CNTNAP2: variants seen among roughly 807,000 people sequenced by gnomAD.
CNTNAP2 encodes contactin-associated protein-like 2.
Under a neutral mutation model 155.2 loss-of-function variants are expected in CNTNAP2, and 98 were observed. That is an observed-to-expected ratio of 0.63 (90% CI 0.54 to 0.75). The LOEUF is 0.75. CNTNAP2 is among the 30% of genes least tolerant of loss of function. The probability of loss-of-function intolerance (pLI) is 0.00; values close to 1 mark genes in which losing one functional copy is unlikely to be tolerated. For missense variants in CNTNAP2, 1,727 were observed against 1,688.1 expected, an observed-to-expected ratio of 1.02 and a Z score of -0.40; for synonymous variants, 651 against 631.2, an observed-to-expected ratio of 1.03 and a Z score of -0.47.
chr7:148,348,103 T>C (rs1007763684), intron 21 of CNTNAP2, among the ~76,000 whole-genome samples: 6 of 152,198 alleles, frequency 3.9e-5, no homozygotes, highest in Admixed American at 3.9e-4. Flanking sequence ...CCCTAAGCTC[T>C]TGAAGTCTAA....
At chr7:148,053,190 T>C (rs1264951149) in intron 15 of CNTNAP2, among the ~76,000 whole-genome samples, 1 of 152,226 alleles carries the variant, frequency 6.6e-6, no homozygotes, top group Non-Finnish European at 1.5e-5. Flanking sequence ...TGTATTTACA[T>C]GTACCTGGGA....
intron 15 of CNTNAP2, among the ~76,000 whole-genome samples, chr7:148,043,105 C>A (rs945226516): frequency 2.6e-5 from 4 of 152,318 alleles, no homozygotes; most frequent in Non-Finnish European, 4.4e-5. Flanking sequence ...GACATTTTGA[C>A]GTGATACATA....
At chr7:148,217,105 A>C (rs1162170901) in intron 18 of CNTNAP2, among the ~76,000 whole-genome samples, 183 bp from the exon 19 acceptor site, 1 of 141,908 alleles carries the variant, frequency 7.0e-6, no homozygotes, top group Admixed American at 7.2e-5. Flanking sequence ...ACCCTGTTAC[A>C]TGCTTTTTTT....
chr7:146,160,269 C>G (rs1397392409), intron 1 of CNTNAP2, among the ~76,000 whole-genome samples: 2 of 152,062 alleles, frequency 1.3e-5, no homozygotes, highest in Non-Finnish European at 2.9e-5. Flanking sequence ...ACCCTAACAT[C>G]ACAATTAAAA....
chr7:146,786,427 T>G (rs1217088729), intron 2 of CNTNAP2, among the ~76,000 whole-genome samples: 1 of 152,178 alleles, frequency 6.6e-6, no homozygotes, highest in African/African-American at 2.4e-5. Flanking sequence ...AATTAAGAAA[T>G]ATAGAATTGT....
chr7:147,902,033 G>A (rs1346455513), intron 13 of CNTNAP2, among the ~76,000 whole-genome samples: 2 of 152,194 alleles, frequency 1.3e-5, no homozygotes, highest in Non-Finnish European at 2.9e-5. Context: ...AATATTCTAT[G>A]ATCTCCATGA....
intron 4 of CNTNAP2, among the ~76,000 whole-genome samples, chr7:147,045,659 T>A (rs1799342814): frequency 6.6e-6 from 1 of 152,146 alleles, no homozygotes; most frequent in Non-Finnish European, 1.5e-5. Context: ...TCCTATGTGG[T>A]CTAGACATTC....
At chr7:148,227,086 T>C (rs1206852267) in intron 19 of CNTNAP2, among the ~76,000 whole-genome samples, 6 of 152,274 alleles carry the variant, frequency 3.9e-5, no homozygotes, top group Non-Finnish European at 2.9e-5. Flanking sequence ...GCTTCAGGGC[T>C]GGTCTTTGGG....
intron 1 of CNTNAP2, among the ~76,000 whole-genome samples, chr7:146,408,036 G>A (rs1438267709): frequency 1.3e-5 from 2 of 152,088 alleles, no homozygotes; most frequent in Non-Finnish European, 2.9e-5. Flanking sequence ...ACCAACAGTA[G>A]GCTATTAGTA....
intron 12 of CNTNAP2, among the ~76,000 whole-genome samples, chr7:147,630,725 A>G (rs889105877): frequency 2.0e-5 from 3 of 152,204 alleles, no homozygotes; most frequent in African/African-American, 4.8e-5. Flanking sequence ...CAGAAGTCAT[A>G]TGAGCATCCC....
chr7:147,149,393 T>G (rs1330539466), intron 8 of CNTNAP2, among the ~76,000 whole-genome samples: 1 of 152,272 alleles, frequency 6.6e-6, no homozygotes, highest in Middle Eastern at 3.4e-3. Flanking sequence ...GACAGAAAAG[T>G]TCCCCAAGTC....
intron 21 of CNTNAP2, among the ~76,000 whole-genome samples, chr7:148,268,499 A>T (rs558748302): frequency 1.1e-4 from 16 of 152,150 alleles, no homozygotes; most frequent in Middle Eastern, 3.4e-3. Flanking sequence ...AAAAAAATTT[A>T]AAAAAATTAG....
At chr7:146,599,392 T>C (rs1798911831) in intron 1 of CNTNAP2, among the ~76,000 whole-genome samples, 1 of 152,004 alleles carries the variant, frequency 6.6e-6, no homozygotes, top group South Asian at 2.1e-4. Flanking sequence ...CTCCTATAAG[T>C]CTAACATGGT....
intron 1 of CNTNAP2, among the ~76,000 whole-genome samples, chr7:146,766,594 C>T (rs1386822053): frequency 6.6e-6 from 1 of 152,130 alleles, no homozygotes; most frequent in South Asian, 2.1e-4. Context: ...CTTTAATATC[C>T]TTTAGCTGTG....
At chr7:146,867,090 T>G (rs1795218979) in intron 3 of CNTNAP2, among the ~76,000 whole-genome samples, 1 of 152,108 alleles carries the variant, frequency 6.6e-6, no homozygotes, top group Non-Finnish European at 1.5e-5. Flanking sequence ...TCACAGGGGT[T>G]TGCTGTAAAT....
intron 1 of CNTNAP2, among the ~76,000 whole-genome samples, chr7:146,688,067 G>T (rs1217384976): frequency 1.3e-5 from 2 of 152,134 alleles, no homozygotes; most frequent in Admixed American, 6.5e-5. Flanking sequence ...AAAAGACATT[G>T]TTGGTCCCTA....
intron 1 of CNTNAP2, among the ~76,000 whole-genome samples, chr7:146,368,428 C>T (rs867502841): frequency 5.3e-5 from 8 of 151,974 alleles, no homozygotes; most frequent in African/African-American, 1.7e-4. Context: ...TTGTACGGTA[C>T]GGTGTGGTAT....
chr7:147,824,152 C>A (rs1043970623), intron 13 of CNTNAP2, among the ~76,000 whole-genome samples: 1 of 152,156 alleles, frequency 6.6e-6, no homozygotes, highest in Non-Finnish European at 1.5e-5. Flanking sequence ...GTGAAGCCTT[C>A]AGAGGTTTAA....
intron 21 of CNTNAP2, among the ~76,000 whole-genome samples, chr7:148,273,169 T>G (rs1028211190): frequency 6.6e-6 from 1 of 152,226 alleles, no homozygotes; most frequent in African/African-American, 2.4e-5. Flanking sequence ...CCCTGTATAT[T>G]AAGGAGTTGT....
Sources: gnomAD v4.1 joint callset for allele counts (sites outside exome capture counted in the v4.1 genomes callset) on GRCh38, gnomAD v4.1.1 for gene constraint, MANE v1.5 for transcripts, NCBI Gene and HGNC (gene_info 2026-07-23, HGNC 2026-07-21) for gene names.